The following BIRC2 variants were observed in gnomAD, a reference collection of about 807,000 sequenced individuals.
BIRC2 encodes baculoviral IAP repeat-containing protein 2.
BIRC2 carries 18 observed loss-of-function variants against 60.9 expected under a neutral mutation model. The observed-to-expected ratio is 0.30, with a 90% CI of 0.20 to 0.44. BIRC2 has a LOEUF of 0.44. BIRC2 is among the 20% of genes least tolerant of loss of function. BIRC2 has a pLI of 1.00. For synonymous variants in BIRC2, 282 were observed against 247.7 expected, an observed-to-expected ratio of 1.14 and a Z score of -1.30; for missense variants, 701 against 728.5, an observed-to-expected ratio of 0.96 and a Z score of 0.43.
chr11:102,375,517 A>G (rs982448553), intron 6 of BIRC2, among the ~76,000 whole-genome samples: 1 of 152,228 alleles, frequency 6.6e-6, no homozygotes, highest in African/African-American at 2.4e-5. Context: ...GCGGTGGCTC[A>G]TGCCTGTAAT....
At chr11:102,351,498 C>T (rs917239620) in intron 3 of BIRC2, among the ~76,000 whole-genome samples, 2 of 151,400 alleles carry the variant, frequency 1.3e-5, no homozygotes, top group African/African-American at 2.4e-5. Flanking sequence ...GGCCGTAGTC[C>T]CAGCTTCTCG....
intron 3 of BIRC2, among the ~76,000 whole-genome samples, chr11:102,358,790 T>C (rs1166177598): frequency 5.3e-5 from 8 of 152,216 alleles, no homozygotes; most frequent in African/African-American, 1.7e-4. Flanking sequence ...TTTAGCTTCC[T>C]CTGCTCTCTT....
Position 102,367,430 on chromosome 11 carries a change from T to C in BIRC2, c.1124-876T>C, listed in dbSNP as rs34960729. On this transcript the variant is annotated intron_variant, in intron 5 of 8. Coordinates refer to ENST00000227758, the MANE Select transcript of BIRC2 (RefSeq NM_001166.5). ...ATGAAATAGAGCTCATTCCTTGTTA[T>C]TTAAATCTTTGTTCTGGTGCCATTT... Among the ~76,000 whole-genome samples, 335 of 152,316 alleles carry C rather than the reference T, an allele frequency of 2.2e-3. 1 individual carries two copies. The highest frequency in any genetic ancestry group is 7.4e-3 in the African/African-American group (309 of 41,570).
chr11:102,368,485 C>A lies in BIRC2; in HGVS notation c.1303C>A (p.Leu435Ile), dbSNP rs202229070. Residue 435 changes from leucine to isoleucine, a missense_variant, in exon 6 of 9, where the codon CTT (leucine) becomes ATT (isoleucine). By Grantham distance (5) the Leu-to-Ile change is conservative. Around this residue, in one of 4 missense-constraint regions of BIRC2, gnomAD observed 235 missense variants for 208.9 expected, o/e 1.12. Transcript: ENST00000227758. ...AGTTAATGATATTGTGTCAGCACTT[C>A]TTAATGCTGAAGATGAAAAAAGAGA... ...KTVNDIVSAL[L>I]NAEDEKREEE... The A allele has an allele frequency of 1.9e-6, 3 of 1,613,604 alleles. No homozygotes were observed. The highest frequency in any genetic ancestry group is 2.5e-6 in the Non-Finnish European group (3 of 1,179,854).
intron 6 of BIRC2, among the ~76,000 whole-genome samples, chr11:102,376,622 A>T (rs1034789323): frequency 1.3e-5 from 2 of 152,208 alleles, no homozygotes; most frequent in African/African-American, 4.8e-5. Context: ...CATAAATATA[A>T]ATTAACTGTG....
At chr11:102,352,717 C>T (rs1308966244) in intron 3 of BIRC2, among the ~76,000 whole-genome samples, 1 of 152,182 alleles carries the variant, frequency 6.6e-6, no homozygotes, top group Non-Finnish European at 1.5e-5. Flanking sequence ...AGGCATGAGC[C>T]ACTGCCCCCT....
intron 3 of BIRC2, among the ~76,000 whole-genome samples, chr11:102,355,074 G>A (rs752250659): frequency 4.7e-5 from 7 of 149,792 alleles, no homozygotes; most frequent in African/African-American, 1.7e-4. Context: ...TTATTTTGTC[G>A]ATTGTTTCCT....
intron 5 of BIRC2, 58 bp from the exon 6 acceptor site, chr11:102,368,248 T>C: frequency 6.4e-7 from 1 of 1,550,416 alleles, no homozygotes; most frequent in African/African-American, 1.4e-5. Flanking sequence ...GCCATGATAC[T>C]TTTTTCCATA....
rs1230601451 is a variant in BIRC2, at chr11:102,349,751, A to G, written c.-104A>G. 3.4e-6 allele frequency: 4 copies of G among 1,191,240 alleles called. No individual in the cohort carries two copies. The highest frequency in any genetic ancestry group is 2.4e-6 in the Non-Finnish European group (2 of 846,486). 73.8% of individuals were successfully genotyped at this position (1,191,240 alleles called of 1,614,324 possible). On this transcript the variant is annotated 5_prime_UTR_variant, in exon 2 of 9. Transcript: ENST00000227758. ...CAGTAAAGAAAGTGTAGTAAATTCT[A>G]CATAAGAGTCTATCATTGATTTCTT... is the stretch of plus-strand genomic sequence containing the variant.
chr11:102,356,195 C>CTTT (rs540599539), intron 3 of BIRC2, among the ~76,000 whole-genome samples: 23 of 126,996 alleles, frequency 1.8e-4, no homozygotes, highest in South Asian at 2.5e-4. Context: ...AAGCTGAAAG[C>CTTT]TTTTTTTTTT....
At position 102,350,304 on chromosome 11, in the gene BIRC2, T is replaced by C; in HGVS notation, c.450T>C (p.Ser150=). The change falls in exon 2 of 9, where the codon AGT becomes AGC. Residue 150 remains serine, a synonymous_variant. Transcript: ENST00000227758. ...CCTTGGAACATAGTAGCTTGTTCAGTGGTTCTTACTCCAGCCTTTCTCCAA... is the reference window on the plus strand; with the variant it reads ...CCTTGGAACATAGTAGCTTGTTCAGCGGTTCTTACTCCAGCCTTTCTCCAA... ...SPTLEHSSLF[S]GSYSSLSPNP... is the part of the protein sequence containing the mutation. The C allele has an allele frequency of 1.9e-6, 3 of 1,614,274 alleles. No individual in the cohort carries two copies. Among genetic ancestry groups the C allele is most frequent in the Non-Finnish European group, 2.5e-6 (3 of 1,180,048 alleles).
intron 6 of BIRC2, among the ~76,000 whole-genome samples, chr11:102,375,551 C>T (rs528198330): frequency 2.6e-5 from 4 of 152,200 alleles, no homozygotes; most frequent in South Asian, 2.1e-4. Flanking sequence ...GAGGCCAAGA[C>T]GGGCGGATCA....
chr11:102,359,353 G>A (rs553835772), intron 3 of BIRC2, among the ~76,000 whole-genome samples: 28 of 152,002 alleles, frequency 1.8e-4, no homozygotes, highest in Non-Finnish European at 2.9e-4. Context: ...TTAAAAACCT[G>A]TATTTTAGAA....
At chr11:102,374,122 T>C (rs201624675) in intron 6 of BIRC2, among the ~76,000 whole-genome samples, 1,920 of 141,318 alleles carry the variant, frequency 0.014, 8 homozygotes, top group Non-Finnish European at 0.018. Flanking sequence ...AATGTCCTCC[T>C]GTAGCTCAGA....
In BIRC2 at chr11:102,351,984, A is replaced by T. The variant is rs34003918; in HGVS notation, c.995+1041A>T. Among the ~76,000 whole-genome samples the T allele has an allele frequency of 2.4e-3, 364 of 152,312 alleles. 3 individuals are homozygous for T. The highest frequency in any genetic ancestry group is 8.4e-3 in the African/African-American group (348 of 41,576). ...GTACATTCTTAACCGTTCTGCGATT[A>T]TACCGCTATCCATCTCCAGAACCTT... On this transcript the variant is annotated intron_variant, in intron 3 of 8. Coordinates refer to ENST00000227758, the MANE Select transcript of BIRC2 (RefSeq NM_001166.5).
intron 3 of BIRC2, among the ~76,000 whole-genome samples, chr11:102,359,965 A>T (rs1423870003): frequency 9.9e-4 from 122 of 123,622 alleles, no homozygotes; most frequent in South Asian, 3.1e-3. Flanking sequence ...TTTGTTTTTC[A>T]TTTTCTTGGG....
chr11:102,352,104 T>G (rs1272146967), intron 3 of BIRC2, among the ~76,000 whole-genome samples: 1 of 144,468 alleles, frequency 6.9e-6, no homozygotes, highest in Non-Finnish European at 1.5e-5. Flanking sequence ...GTCTTTCTCT[T>G]TTTTTTTTTT....
intron 3 of BIRC2, among the ~76,000 whole-genome samples, chr11:102,358,065 T>C (rs1174896831): frequency 6.6e-6 from 1 of 152,214 alleles, no homozygotes; most frequent in African/African-American, 2.4e-5. Flanking sequence ...TGTTATTGAT[T>C]TCTGGTTACA....
chr11:102,360,496 TC>T (rs1378890920), intron 3 of BIRC2, among the ~76,000 whole-genome samples: 2 of 151,976 alleles, frequency 1.3e-5, no homozygotes, highest in African/African-American at 4.8e-5. Context: ...TTTTTATTAT[TC>T]CTATCTCTGT....
Sources: gnomAD v4.1 joint callset for allele counts (sites outside exome capture counted in the v4.1 genomes callset) on GRCh38, gnomAD v4.1.1 for gene constraint, gnomAD v4.1.1 regional missense constraint, MANE v1.5 for transcripts, NCBI Gene and HGNC (gene_info 2026-07-23, HGNC 2026-07-21) for gene names.